TMEM117: variants seen among roughly 807,000 people sequenced by gnomAD.
TMEM117 encodes the protein transmembrane protein 117.
In TMEM117, 27 loss-of-function variants were observed where a neutral mutation model predicts 52.4. The ratio of observed to expected loss-of-function variants is 0.51; its 90% CI spans 0.38 to 0.71. The LOEUF (loss-of-function observed/expected upper bound fraction) is 0.71. TMEM117 is among the 30% of genes least tolerant of loss of function. The pLI is 0.00. For synonymous variants in TMEM117, 215 were observed against 206.3 expected, an observed-to-expected ratio of 1.04 and a Z score of -0.36; for missense variants, 556 against 630.5, an observed-to-expected ratio of 0.88 and a Z score of 1.26.
chr12:44,114,864 A>T (rs1371906889), intron 3 of TMEM117, among the ~76,000 whole-genome samples: 5 of 152,180 alleles, frequency 3.3e-5, no homozygotes, highest in African/African-American at 1.2e-4. Context: ...CTGTATGTGG[A>T]CTCTATTCTA....
chr12:43,907,687 T>G (rs1410313917), intron 2 of TMEM117, among the ~76,000 whole-genome samples: 5 of 151,640 alleles, frequency 3.3e-5, no homozygotes, highest in African/African-American at 1.2e-4. Flanking sequence ...GCTCGAGAAC[T>G]ACATGAAGAA....
intron 4 of TMEM117, among the ~76,000 whole-genome samples, chr12:44,203,095 T>TTTGTTGTTGTTG (rs58933565): frequency 0.026 from 3,880 of 151,476 alleles, 89 homozygotes; most frequent in Middle Eastern, 0.061. Flanking sequence ...ACACATGGCC[T>TTTGTTGTTGTTG]TTGTTGTTGT....
rs184983355 is a variant in TMEM117, at chr12:44,059,616, G to A, written c.411-83909G>A. Reference sequence around the variant, plus strand: ...CCTCTTGTGACATTGAAGAAATAAGGCATAATTTTCATTTTGTCAGCAAAT... The same window carrying A: ...CCTCTTGTGACATTGAAGAAATAAGACATAATTTTCATTTTGTCAGCAAAT... On this transcript the variant is annotated intron_variant, in intron 3 of 7. Coordinates refer to ENST00000266534, the MANE Select transcript of TMEM117 (RefSeq NM_032256.3). 4.6e-5 allele frequency among the ~76,000 whole-genome samples: 7 copies of A among 152,216 alleles called. No homozygotes were observed. In the East Asian group the frequency reaches 9.6e-4, roughly 21 times the overall value.
At chr12:43,865,735 C>T (rs1289590829) in intron 2 of TMEM117, among the ~76,000 whole-genome samples, 1 of 148,912 alleles carries the variant, frequency 6.7e-6, no homozygotes, top group East Asian at 1.9e-4. Context: ...CTAATATAGA[C>T]TCATACATAC....
chr12:43,991,358 C>T (rs1714147135), intron 3 of TMEM117, among the ~76,000 whole-genome samples: 1 of 152,058 alleles, frequency 6.6e-6, no homozygotes, highest in Admixed American at 6.6e-5. Flanking sequence ...ATTTGAGCAC[C>T]TCGGGAGATA....
intron 7 of TMEM117, among the ~76,000 whole-genome samples, chr12:44,382,466 A>G (rs1057501139): frequency 6.6e-6 from 1 of 152,172 alleles, no homozygotes; most frequent in African/African-American, 2.4e-5. Flanking sequence ...TTCTGGGCAC[A>G]TTGTCTCAGA....
chr12:44,054,889 C>A (rs1947030126), intron 3 of TMEM117, among the ~76,000 whole-genome samples: 1 of 152,038 alleles, frequency 6.6e-6, no homozygotes, highest in African/African-American at 2.4e-5. Context: ...TATCCCTCCC[C>A]ACCTTCCCCA....
chr12:43,984,179 C>T (rs374963094), intron 3 of TMEM117, among the ~76,000 whole-genome samples: 1 of 151,982 alleles, frequency 6.6e-6, no homozygotes, highest in African/African-American at 2.4e-5. Context: ...GCCAGCCTGG[C>T]CAACATGGTG....
intron 2 of TMEM117, among the ~76,000 whole-genome samples, chr12:43,942,620 C>CTT (rs532952208): frequency 0.015 from 2,272 of 148,086 alleles, 21 homozygotes; most frequent in Non-Finnish European, 0.024. Flanking sequence ...CCTCCCCGCT[C>CTT]TTTTTTTTTT....
chr12:44,236,835 G>T (rs1397636364), intron 5 of TMEM117, among the ~76,000 whole-genome samples: 1 of 152,062 alleles, frequency 6.6e-6, no homozygotes, highest in African/African-American at 2.4e-5. Flanking sequence ...CCAGAATGAA[G>T]TAATAAAGCT....
chr12:44,121,186 G>T (rs1389115456), intron 3 of TMEM117, among the ~76,000 whole-genome samples: 2 of 152,136 alleles, frequency 1.3e-5, no homozygotes, highest in Non-Finnish European at 2.9e-5. Context: ...CTCCCACTGG[G>T]TCCCTCCCAC....
intron 6 of TMEM117, among the ~76,000 whole-genome samples, chr12:44,374,300 T>G (rs919210538): frequency 1.3e-5 from 2 of 151,532 alleles, no homozygotes; most frequent in Non-Finnish European, 2.9e-5. Flanking sequence ...GTAAAAGAGG[T>G]TTGGAAAAAC....
intron 3 of TMEM117, among the ~76,000 whole-genome samples, chr12:44,001,231 T>G (rs1946112201): frequency 1.3e-5 from 2 of 152,200 alleles, no homozygotes; most frequent in South Asian, 4.1e-4. Context: ...CATTTAACCC[T>G]AAAATGGTCA....
chr12:43,939,835 CT>C (rs1945015292), intron 2 of TMEM117, among the ~76,000 whole-genome samples: 1 of 152,194 alleles, frequency 6.6e-6, no homozygotes, highest in Non-Finnish European at 1.5e-5. Flanking sequence ...ATTTAATCGA[CT>C]CTTAATTCCA....
chr12:44,192,489 G>C (rs1201357602), intron 4 of TMEM117, among the ~76,000 whole-genome samples: 3 of 152,172 alleles, frequency 2.0e-5, no homozygotes, highest in Non-Finnish European at 4.4e-5. Context: ...GTGAAATAAA[G>C]ATTGTCAAAC....
In TMEM117 at chr12:44,376,625, G is replaced by T; in HGVS notation, c.799G>T (p.Val267Phe). 2 of 1,608,496 alleles carry T rather than the reference G, an allele frequency of 1.2e-6. No homozygotes were observed. Among genetic ancestry groups the T allele is most frequent in the Non-Finnish European group, 1.7e-6 (2 of 1,178,180 alleles). The change falls in exon 7 of 8, where the codon GTT (valine) becomes TTT (phenylalanine). Residue 267 changes from valine to phenylalanine, a missense_variant. Physicochemically the swap from Val to Phe is conservative, Grantham distance 50. This residue lies in a region of TMEM117 where 328 missense variants were observed against 371.4 expected (regional missense o/e 0.88). Coordinates refer to ENST00000266534, the MANE Select transcript of TMEM117 (RefSeq NM_032256.3). ...DWEFPHFMGD[V>F]DVNLPGLHTP... ...GGAATTCCCACATTTCATGGGAGAT[G>T]TTGATGTAAATCTCCCTGGTTTGCA... is the stretch of plus-strand genomic sequence containing the variant.
intron 2 of TMEM117, among the ~76,000 whole-genome samples, chr12:43,847,475 A>G (rs147382104): frequency 4.9e-4 from 74 of 152,232 alleles, no homozygotes; most frequent in Admixed American, 1.4e-3. Flanking sequence ...TGATGATGCA[A>G]TGGGTTTAAG....
chr12:44,165,992 C>G (rs1167919773), intron 4 of TMEM117, among the ~76,000 whole-genome samples: 1 of 152,154 alleles, frequency 6.6e-6, no homozygotes. Flanking sequence ...CAAGTCTCAA[C>G]AAATTTTTAA....
chr12:43,806,053 A>T, the TMEM117 span: 855 of 1,518,528 alleles, frequency 5.6e-4, no homozygotes, highest in Non-Finnish European at 7.0e-4. Context: ...GCAGGCCGGC[A>T]GCGCCCGGGA....
Sources: allele counts gnomAD v4.1 joint callset (sites outside exome capture counted in the v4.1 genomes callset), GRCh38; gene constraint gnomAD v4.1.1; regional missense constraint gnomAD v4.1.1; transcripts MANE v1.5; gene names NCBI Gene and HGNC (gene_info 2026-07-23, HGNC 2026-07-21).